The following MAP3K7CL variants were observed in gnomAD, a reference collection of about 807,000 sequenced individuals.
MAP3K7CL encodes MAP3K7 C-terminal-like protein.
Under a neutral mutation model 18.6 loss-of-function variants are expected in MAP3K7CL, and 16 were observed. That is an observed-to-expected ratio of 0.86 (90% CI 0.58 to 1.31). The LOEUF (loss-of-function observed/expected upper bound fraction) is 1.31, where lower values mean the gene tolerates loss of function less well. MAP3K7CL is among the 50% of genes most tolerant of loss of function. The probability of loss-of-function intolerance (pLI) is 0.00; values close to 1 mark genes in which losing one functional copy is unlikely to be tolerated. For missense variants in MAP3K7CL, 163 were observed against 174.4 expected (o/e 0.93, Z 0.37); for synonymous variants, 65 against 66.8 (o/e 0.97, Z 0.13).
intron 1 of MAP3K7CL, among the ~76,000 whole-genome samples, chr21:29,079,315 A>G (rs2085798738): frequency 6.6e-6 from 1 of 152,244 alleles, no homozygotes; most frequent in South Asian, 2.1e-4. Context: ...GCCAAGAGAC[A>G]GGAAGGAAGT....
At chr21:29,142,928 G>A (rs1481883193) in intron 2 of MAP3K7CL, among the ~76,000 whole-genome samples, 4 of 152,124 alleles carry the variant, frequency 2.6e-5, no homozygotes, top group African/African-American at 4.8e-5. Flanking sequence ...GTACTGACCC[G>A]CTGTGTTCTT....
In MAP3K7CL at chr21:29,152,536, G is replaced by T. The variant is rs7276502; in HGVS notation, c.132+3286G>T. 4.8e-3 allele frequency among the ~76,000 whole-genome samples: 731 copies of T among 152,200 alleles called. 6 individuals carry two copies. The highest frequency in any genetic ancestry group is 0.017 in the African/African-American group (700 of 41,512). Reference sequence around the variant, plus strand: ...AAGTGCCTTGTGGTTGCAACTATTTGCTTGAGAATGAATTGAGTCTTGATT... The same window carrying T: ...AAGTGCCTTGTGGTTGCAACTATTTTCTTGAGAATGAATTGAGTCTTGATT... On this transcript the variant is annotated intron_variant, in intron 3 of 4. Coordinates refer to ENST00000399928, the MANE Select transcript of MAP3K7CL (RefSeq NM_001286620.2).
chr21:29,100,056 C>T (rs1283125095), intron 4 of MAP3K7CL, among the ~76,000 whole-genome samples: 1 of 147,704 alleles, frequency 6.8e-6, no homozygotes, highest in African/African-American at 2.5e-5. Flanking sequence ...TCACTCTAGC[C>T]TGGGCGACAG....
intron 4 of MAP3K7CL, among the ~76,000 whole-genome samples, chr21:29,095,265 G>A (rs947717033): frequency 2.0e-5 from 3 of 152,130 alleles, no homozygotes; most frequent in Non-Finnish European, 4.4e-5. Context: ...GGGGGCCTTG[G>A]CTGAGGCACT....
At chr21:29,091,321 G>A (rs1174896357) in intron 1 of MAP3K7CL, among the ~76,000 whole-genome samples, 1 of 152,164 alleles carries the variant, frequency 6.6e-6, no homozygotes, top group Non-Finnish European at 1.5e-5. Context: ...CCCTCTAAGA[G>A]ACTGTCGTTT....
chr21:29,109,809 G>A (rs2086388199), intron 4 of MAP3K7CL: 1 of 984,512 alleles, frequency 1.0e-6, no homozygotes, highest in African/African-American at 1.7e-5. Context: ...TTCTGCTGCT[G>A]CTTCTTATAT....
chr21:29,130,120 A>G (rs1042741935), upstream of MAP3K7CL, among the ~76,000 whole-genome samples: 6 of 152,152 alleles, frequency 3.9e-5, no homozygotes, highest in African/African-American at 1.4e-4. Flanking sequence ...CCTTCTCCTA[A>G]TATTTATTTT....
upstream of MAP3K7CL, among the ~76,000 whole-genome samples, chr21:29,083,973 T>C (rs1014048607): frequency 6.8e-6 from 1 of 147,254 alleles, no homozygotes; most frequent in African/African-American, 2.5e-5. Flanking sequence ...TATATATAAT[T>C]GTATATAACA....
intron 4 of MAP3K7CL, among the ~76,000 whole-genome samples, chr21:29,170,854 G>T (rs1433628682): frequency 6.6e-6 from 1 of 151,532 alleles, no homozygotes; most frequent in African/African-American, 2.4e-5. Context: ...GGCCAGGCTG[G>T]TCTCAAACTC....
At chr21:29,112,692 T>A (rs1471053708) in intron 4 of MAP3K7CL, among the ~76,000 whole-genome samples, 2 of 152,202 alleles carry the variant, frequency 1.3e-5, no homozygotes, top group African/African-American at 4.8e-5. Flanking sequence ...TCTTTATGAT[T>A]TTTGAAAACA....
intron 4 of MAP3K7CL, among the ~76,000 whole-genome samples, chr21:29,167,651 G>C (rs1568973778): frequency 6.6e-6 from 1 of 150,640 alleles, no homozygotes; most frequent in Non-Finnish European, 1.5e-5. Context: ...GGGAGAGGGT[G>C]TCAGGCAGGG....
At chr21:29,147,682 A>G (rs138602433) in intron 2 of MAP3K7CL, among the ~76,000 whole-genome samples, 71 of 150,096 alleles carry the variant, frequency 4.7e-4, no homozygotes, top group Middle Eastern at 4.2e-3. Flanking sequence ...TCTCTATTGT[A>G]TATGTATGTG....
At chr21:29,172,917 T>C (rs576515654) in intron 4 of MAP3K7CL, among the ~76,000 whole-genome samples, 22 of 148,862 alleles carry the variant, frequency 1.5e-4, no homozygotes, top group Non-Finnish European at 3.0e-4. Context: ...TTTTCAGGAA[T>C]ATATGTATTT....
intron 3 of MAP3K7CL, among the ~76,000 whole-genome samples, chr21:29,156,454 C>T (rs890869746): frequency 1.3e-5 from 2 of 152,150 alleles, no homozygotes; most frequent in African/African-American, 4.8e-5. Context: ...GTTACTTAAG[C>T]GTACTGACAC....
upstream of MAP3K7CL, among the ~76,000 whole-genome samples, chr21:29,125,942 G>A (rs2086673886): frequency 2.0e-5 from 3 of 152,190 alleles, no homozygotes. Flanking sequence ...TTTATTCACT[G>A]GTGTTTTCTT....
At position 29,091,698 on chromosome 21, in the gene MAP3K7CL, G is replaced by A. The variant is rs2086032075; in HGVS notation, c.164G>A (p.Gly55Asp). ...GAGTCTCGCTATTTTGCCCAGGTTG[G>A]TCTTGAACACCTGGCTTCAAGCAGT... The change falls in exon 3 of 7, where the codon GGT becomes GAT. Residue 55 changes from glycine (G) to aspartate (D), a missense_variant. Physicochemically the swap from Gly to Asp is moderately conservative, Grantham distance 94. Coordinates refer to the MAP3K7CL transcript ENST00000286791. 5.7e-6 allele frequency: 4 copies of A among 702,226 alleles called. No homozygotes were observed. The East Asian group carries it at 1.1e-4, about 19-fold the overall frequency. The allele number at this position is 702,226 out of a possible 1,614,324, so 43.5% of individuals were successfully genotyped here. A position where few individuals can be genotyped will look rare whatever the true frequency, so the allele number is the denominator to read the frequency against.
At chr21:29,139,994 G>T (rs558848818) in intron 2 of MAP3K7CL, among the ~76,000 whole-genome samples, 13 of 148,902 alleles carry the variant, frequency 8.7e-5, no homozygotes, top group Non-Finnish European at 1.6e-4. Flanking sequence ...CCAGGAACCA[G>T]GTATTTGCAG....
chr21:29,171,091 A>C (rs2087815966), intron 4 of MAP3K7CL, among the ~76,000 whole-genome samples: 2 of 152,216 alleles, frequency 1.3e-5, no homozygotes, highest in Admixed American at 1.3e-4. Flanking sequence ...ATCAGAAGAT[A>C]GGCTTGATTT....
chr21:29,143,107 A>G (rs2087044242), intron 2 of MAP3K7CL, among the ~76,000 whole-genome samples: 2 of 152,232 alleles, frequency 1.3e-5, no homozygotes, highest in Admixed American at 1.3e-4. Context: ...CTGCAGGTAG[A>G]ATCAACTTCA....
Sources: gnomAD v4.1 joint callset for allele counts (sites outside exome capture counted in the v4.1 genomes callset) on GRCh38, gnomAD v4.1.1 for gene constraint, MANE v1.5 for transcripts, NCBI Gene and HGNC (gene_info 2026-07-23, HGNC 2026-07-21) for gene names.